GABRG3: variants seen among roughly 807,000 people sequenced by gnomAD.
GABRG3 encodes the protein gamma-aminobutyric acid type A receptor subunit gamma3.
A neutral mutation model predicts 48.8 loss-of-function variants in GABRG3; 25 were observed. The observed-to-expected ratio is 0.51, with a 90% CI of 0.37 to 0.72. GABRG3 has a LOEUF of 0.72. Ranked by LOEUF, GABRG3 falls within the 30% of genes least tolerant of loss-of-function variation. GABRG3 has a pLI of 0.00. For synonymous variants in GABRG3, 227 were observed against 217.6 expected, an observed-to-expected ratio of 1.04 and a Z score of -0.38; for missense variants, 394 against 577.9, an observed-to-expected ratio of 0.68 and a Z score of 3.26.
intron 3 of GABRG3, among the ~76,000 whole-genome samples, chr15:27,239,287 C>CT (rs1200775954): frequency 1.3e-5 from 2 of 152,190 alleles, no homozygotes; most frequent in East Asian, 1.9e-4. Flanking sequence ...TGTATGGAGT[C>CT]TTTTTTTGTT....
chr15:27,490,896 C>T (rs1421588990), intron 6 of GABRG3, among the ~76,000 whole-genome samples: 1 of 151,346 alleles, frequency 6.6e-6, no homozygotes, highest in African/African-American at 2.4e-5. Context: ...CCACCCCCAC[C>T]ACCACCCCCC....
chr15:27,462,853 A>T (rs1321754230), intron 5 of GABRG3, among the ~76,000 whole-genome samples: 1 of 152,238 alleles, frequency 6.6e-6, no homozygotes, highest in Non-Finnish European at 1.5e-5. Context: ...TGTTAAATAA[A>T]CAAATTGAAA....
chr15:27,020,524 G>T (rs1895870608), intron 2 of GABRG3, among the ~76,000 whole-genome samples: 1 of 152,068 alleles, frequency 6.6e-6, no homozygotes, highest in Non-Finnish European at 1.5e-5. Context: ...CCATTCTCCT[G>T]CCTCAGCCTC....
intron 3 of GABRG3, among the ~76,000 whole-genome samples, chr15:27,297,407 C>G (rs1028766540): frequency 6.6e-6 from 1 of 152,192 alleles, no homozygotes; most frequent in African/African-American, 2.4e-5. Context: ...ACTTCCAGTT[C>G]TGCAAGCACC....
intron 5 of GABRG3, among the ~76,000 whole-genome samples, chr15:27,349,443 C>T (rs996117840): frequency 2.0e-4 from 30 of 152,022 alleles, no homozygotes; most frequent in African/African-American, 6.8e-4. Context: ...GCCATTTCTT[C>T]GAAGAGACAC....
intron 5 of GABRG3, among the ~76,000 whole-genome samples, chr15:27,403,924 AAAAAC>A (rs1887551485): frequency 3.0e-5 from 4 of 133,022 alleles, no homozygotes; most frequent in African/African-American, 1.4e-4. Flanking sequence ...CAAAAAAAAA[AAAAAC>A]AAAAAAAAAA....
intron 3 of GABRG3, among the ~76,000 whole-genome samples, chr15:27,299,805 C>G (rs1892132709): frequency 6.6e-6 from 1 of 152,200 alleles, no homozygotes; most frequent in African/African-American, 2.4e-5. Flanking sequence ...GAGTGTGTGA[C>G]AGAGAGGGGG....
intron 6 of GABRG3, among the ~76,000 whole-genome samples, chr15:27,501,831 G>A (rs369752218): frequency 6.6e-6 from 1 of 152,054 alleles, no homozygotes; most frequent in East Asian, 1.9e-4. Flanking sequence ...GTACACCTCT[G>A]GTTTGTCATA....
At chr15:27,454,432 G>C (rs79098730) in intron 5 of GABRG3, among the ~76,000 whole-genome samples, 33 of 152,232 alleles carry the variant, frequency 2.2e-4, no homozygotes, top group African/African-American at 7.9e-4. Flanking sequence ...TTTTAATAAC[G>C]TTGCTTCTAA....
At chr15:27,423,694 C>A (rs1294871975) in intron 5 of GABRG3, among the ~76,000 whole-genome samples, 1 of 148,618 alleles carries the variant, frequency 6.7e-6, no homozygotes, top group East Asian at 2.0e-4. Context: ...TACAGTCTTG[C>A]ACCACCACAC....
intron 3 of GABRG3, among the ~76,000 whole-genome samples, chr15:27,300,976 A>G (rs1892185908): frequency 6.6e-6 from 1 of 152,174 alleles, no homozygotes; most frequent in Non-Finnish European, 1.5e-5. Flanking sequence ...TCAAAAACAA[A>G]CAAACAAACA....
At chr15:27,255,701 C>T (rs533596732) in intron 3 of GABRG3, among the ~76,000 whole-genome samples, 9 of 152,136 alleles carry the variant, frequency 5.9e-5, no homozygotes, top group Non-Finnish European at 1.2e-4. Flanking sequence ...TCCTCCCAGA[C>T]CTTGGAAATG....
intron 2 of GABRG3, among the ~76,000 whole-genome samples, chr15:27,004,121 G>C (rs1319416115): frequency 1.3e-5 from 2 of 150,842 alleles, no homozygotes; most frequent in African/African-American, 4.9e-5. Flanking sequence ...TGGCCGGGCG[G>C]GGGGCTGACC....
At chr15:27,291,401 G>T (rs1210111753) in intron 3 of GABRG3, among the ~76,000 whole-genome samples, 3 of 152,092 alleles carry the variant, frequency 2.0e-5, no homozygotes, top group African/African-American at 7.2e-5. Flanking sequence ...GTTAATATCT[G>T]CCCTGTGCTT....
At chr15:27,016,889 G>A (rs996632856) in intron 2 of GABRG3, among the ~76,000 whole-genome samples, 27 of 151,944 alleles carry the variant, frequency 1.8e-4, no homozygotes, top group African/African-American at 6.3e-4. Context: ...AGTAGTTCTC[G>A]TGAATTTTTA....
intron 3 of GABRG3, among the ~76,000 whole-genome samples, chr15:27,200,572 G>C (rs1032621390): frequency 6.6e-6 from 1 of 152,104 alleles, no homozygotes; most frequent in African/African-American, 2.4e-5. Context: ...CTCATTTTCT[G>C]GCACAGGCAA....
At chr15:27,054,590 G>A (rs1304017968) in intron 3 of GABRG3, among the ~76,000 whole-genome samples, 3 of 152,166 alleles carry the variant, frequency 2.0e-5, no homozygotes, top group African/African-American at 7.2e-5. Context: ...AAATGCATCC[G>A]TTTATTTTGT....
At chr15:27,230,798 G>T (rs926127187) in intron 3 of GABRG3, among the ~76,000 whole-genome samples, 5 of 151,102 alleles carry the variant, frequency 3.3e-5, no homozygotes, top group Admixed American at 1.3e-4. Context: ...ACTTAGCTCA[G>T]AAAAAAAAAT....
intron 3 of GABRG3, among the ~76,000 whole-genome samples, chr15:27,054,119 A>T (rs1161309816): frequency 2.0e-5 from 3 of 152,112 alleles, no homozygotes; most frequent in Non-Finnish European, 4.4e-5. Flanking sequence ...CGCACCTGTA[A>T]TCCCAGCTAC....
Sources: allele counts gnomAD v4.1 joint callset (sites outside exome capture counted in the v4.1 genomes callset), GRCh38; gene constraint gnomAD v4.1.1; transcripts MANE v1.5; gene names NCBI Gene and HGNC (gene_info 2026-07-23, HGNC 2026-07-21).